Variants in PRKD1 observed in about 807,000 individuals in gnomAD.
PRKD1 encodes the protein protein kinase D1.
A neutral mutation model predicts 95.9 loss-of-function variants in PRKD1; 63 were observed. The ratio of observed to expected loss-of-function variants is 0.66; its 90% CI spans 0.54 to 0.81. PRKD1 has a LOEUF of 0.81. Among genes scored for constraint, PRKD1 ranks in the 30% least tolerant of loss-of-function variants. PRKD1 has a pLI of 0.00. For missense variants in PRKD1, 1,048 were observed against 1,165.3 expected (o/e 0.90, Z 1.47); for synonymous variants, 425 against 423.1 (o/e 1.00, Z -0.05).
chr14:29,801,973 C>A (rs1890052019), intron 1 of PRKD1, among the ~76,000 whole-genome samples: 1 of 152,224 alleles, frequency 6.6e-6, no homozygotes, highest in Non-Finnish European at 1.5e-5. Flanking sequence ...CAGGCATGAG[C>A]CACCAGGCCC....
chr14:29,811,522 C>A (rs1890483467), intron 1 of PRKD1, among the ~76,000 whole-genome samples: 1 of 152,218 alleles, frequency 6.6e-6, no homozygotes, highest in African/African-American at 2.4e-5. Context: ...GTTTGCCCCA[C>A]TGAGGCACCA....
chr14:29,634,687 T>C (rs1880251817), intron 7 of PRKD1, 146 bp from the exon 8 acceptor site: 1 of 1,133,856 alleles, frequency 8.8e-7, no homozygotes, highest in African/African-American at 1.5e-5. Flanking sequence ...TCAGGCACCA[T>C]GGTTCTGAAA....
chr14:29,686,560 G>C (rs1883882219), intron 2 of PRKD1, among the ~76,000 whole-genome samples: 1 of 152,194 alleles, frequency 6.6e-6, no homozygotes, highest in African/African-American at 2.4e-5. Flanking sequence ...AACTGGGGCT[G>C]GGGCCTTGCT....
intron 1 of PRKD1, among the ~76,000 whole-genome samples, chr14:29,808,425 G>A (rs1424580109): frequency 1.8e-5 from 1 of 56,692 alleles, no homozygotes; most frequent in Non-Finnish European, 3.3e-5. Context: ...TGAGATGGGA[G>A]TTTTGCTCTT....
chr14:29,778,120 G>A (rs1178020944), intron 1 of PRKD1, among the ~76,000 whole-genome samples: 1 of 152,196 alleles, frequency 6.6e-6, no homozygotes, highest in East Asian at 1.9e-4. Flanking sequence ...CAACATACCA[G>A]ACTCTCTGGG....
intron 1 of PRKD1, among the ~76,000 whole-genome samples, chr14:29,800,126 A>G (rs941209963): frequency 2.0e-5 from 3 of 152,244 alleles, no homozygotes; most frequent in Non-Finnish European, 4.4e-5. Flanking sequence ...ACAGAAACAC[A>G]TGAGATTATG....
At chr14:29,722,785 G>T (rs1885959713) in intron 2 of PRKD1, among the ~76,000 whole-genome samples, 1 of 152,162 alleles carries the variant, frequency 6.6e-6, no homozygotes, top group South Asian at 2.1e-4. Context: ...TTACTAACAG[G>T]TATTGCAGGC....
intron 1 of PRKD1, among the ~76,000 whole-genome samples, chr14:29,826,762 TATATATACAC>T (rs1891173625): frequency 2.0e-5 from 1 of 48,790 alleles, no homozygotes. Context: ...TATATACATA[TATATATACAC>T]ATATATATAC....
At chr14:29,825,127 T>C (rs1224176135) in intron 1 of PRKD1, among the ~76,000 whole-genome samples, 3 of 152,094 alleles carry the variant, frequency 2.0e-5, no homozygotes, top group South Asian at 2.1e-4. Flanking sequence ...TTCCTTAATG[T>C]GGAATTCAAA....
intron 15 of PRKD1, among the ~76,000 whole-genome samples, chr14:29,598,164 T>C (rs1242064761): frequency 2.0e-5 from 3 of 151,824 alleles, no homozygotes; most frequent in Non-Finnish European, 2.9e-5. Flanking sequence ...TAGTCCCAGC[T>C]ATTCGAGAGG....
chr14:29,637,993 G>T (rs1412514904), intron 6 of PRKD1, among the ~76,000 whole-genome samples: 2 of 152,152 alleles, frequency 1.3e-5, no homozygotes, highest in African/African-American at 4.8e-5. Context: ...TTAAGATATG[G>T]CATTTTTCTT....
chr14:29,698,616 A>C (rs758320824), intron 2 of PRKD1, among the ~76,000 whole-genome samples: 4 of 151,878 alleles, frequency 2.6e-5, no homozygotes, highest in Non-Finnish European at 5.9e-5. Context: ...TCCTTCCTCT[A>C]TAGAACGTCA....
chr14:29,690,609 T>C (rs924410064), intron 2 of PRKD1, among the ~76,000 whole-genome samples: 6 of 152,176 alleles, frequency 3.9e-5, no homozygotes, highest in Non-Finnish European at 7.4e-5. Context: ...CCTTTTCCAA[T>C]ATATTCTCAA....
intron 1 of PRKD1, among the ~76,000 whole-genome samples, chr14:29,862,623 T>A (rs1397860488): frequency 6.6e-6 from 1 of 152,240 alleles, no homozygotes; most frequent in Non-Finnish European, 1.5e-5. Context: ...TGATCAATGA[T>A]GTTTAGCACC....
intron 13 of PRKD1, among the ~76,000 whole-genome samples, chr14:29,613,844 C>A (rs1215637949): frequency 6.6e-6 from 1 of 152,196 alleles, no homozygotes; most frequent in African/African-American, 2.4e-5. Flanking sequence ...GGAAGGCATA[C>A]TCTTGGAGAG....
intron 1 of PRKD1, among the ~76,000 whole-genome samples, chr14:29,770,930 C>CAAAAAAAAAAAAAAAAAAAAAA (rs753745571): frequency 2.1e-5 from 1 of 47,164 alleles, no homozygotes; most frequent in African/African-American, 6.0e-5. Flanking sequence ...AGACACTGTC[C>CAAAAAAAAAAAAAAAAAAAAAA]AAAAAAAAAA....
At chr14:29,690,137 CA>C (rs1884143968) in intron 2 of PRKD1, among the ~76,000 whole-genome samples, 2 of 148,274 alleles carry the variant, frequency 1.3e-5, no homozygotes, top group African/African-American at 5.1e-5. Flanking sequence ...AAGGAAAAAA[CA>C]AAAAGAAGAA....
chr14:29,787,286 G>A (rs1193264923), intron 1 of PRKD1, among the ~76,000 whole-genome samples: 2 of 144,176 alleles, frequency 1.4e-5, no homozygotes, highest in African/African-American at 2.6e-5. Context: ...GTGCTGATGA[G>A]AAGATGTGTA....
intron 13 of PRKD1, among the ~76,000 whole-genome samples, chr14:29,607,555 C>G (rs905167138): frequency 6.6e-6 from 1 of 152,146 alleles, no homozygotes; most frequent in Non-Finnish European, 1.5e-5. Context: ...GGCTGTGAGC[C>G]AAGCGTCTCT....
Sources: allele counts gnomAD v4.1 joint callset (sites outside exome capture counted in the v4.1 genomes callset), GRCh38; gene constraint gnomAD v4.1.1; transcripts MANE v1.5; gene names NCBI Gene and HGNC (gene_info 2026-07-23, HGNC 2026-07-21).